Variants in VPS13B observed in about 807,000 individuals in gnomAD.
The protein encoded by VPS13B is vacuolar protein sorting 13 homolog B.
In VPS13B, 285 loss-of-function variants were observed where a neutral mutation model predicts 426.4. That is an observed-to-expected ratio of 0.67 (90% CI 0.61 to 0.74). The LOEUF is 0.74. VPS13B is among the 30% of genes least tolerant of loss of function. The probability of loss-of-function intolerance (pLI) is 0.00; values close to 1 mark genes in which losing one functional copy is unlikely to be tolerated. For missense variants in VPS13B, 4,537 were observed against 4,782.6 expected (o/e 0.95, Z 1.51); for synonymous variants, 1,676 against 1,676.4 (o/e 1.00, Z 0.01).
At chr8:99,359,374 A>G (rs1412997745) in intron 19 of VPS13B, among the ~76,000 whole-genome samples, 3 of 152,168 alleles carry the variant, frequency 2.0e-5, no homozygotes, top group African/African-American at 7.2e-5. Context: ...TTGGCTTGAA[A>G]GCAAAATGTG....
At chr8:99,391,297 T>G (rs1216135983) in intron 20 of VPS13B, among the ~76,000 whole-genome samples, 1 of 152,056 alleles carries the variant, frequency 6.6e-6, no homozygotes, top group East Asian at 1.9e-4. Flanking sequence ...ACTCAGAATT[T>G]TAATTTAAAA....
intron 3 of VPS13B, among the ~76,000 whole-genome samples, chr8:99,063,600 C>G (rs1231242851): frequency 2.6e-5 from 4 of 152,226 alleles, no homozygotes. Flanking sequence ...AACCACAGCT[C>G]AGCAAGGCCT....
At chr8:99,131,161 G>C (rs1809776367) in intron 8 of VPS13B, among the ~76,000 whole-genome samples, 1 of 152,086 alleles carries the variant, frequency 6.6e-6, no homozygotes, top group Non-Finnish European at 1.5e-5. Flanking sequence ...TTACAGACAG[G>C]TTGCAAAGAT....
At chr8:99,776,523 G>A (rs1251596338) in intron 40 of VPS13B, among the ~76,000 whole-genome samples, 2 of 152,152 alleles carry the variant, frequency 1.3e-5, no homozygotes, top group Non-Finnish European at 2.9e-5. Context: ...TCGAACTCCT[G>A]AGCTGAAGTG....
rs561431614 is a variant in VPS13B at position 99,080,009 on chromosome 8, A to T, written c.292-16303A>T. On this transcript the variant is annotated intron_variant, in intron 3 of 61. Transcript: ENST00000357162. ...TTTCTTAATAATGTATCATATTATA[A>T]TTAATAATGTGTAAATATATACTTG... Among the ~76,000 whole-genome samples, 10 of 150,814 alleles carry T rather than the reference A, an allele frequency of 6.6e-5. No individual in the cohort carries two copies. The South Asian group carries it at 1.5e-3, about 22-fold the overall frequency.
intron 17 of VPS13B, among the ~76,000 whole-genome samples, chr8:99,254,942 A>G (rs1194146532): frequency 6.6e-6 from 1 of 151,890 alleles, no homozygotes; most frequent in Non-Finnish European, 1.5e-5. Flanking sequence ...TTTGAAGTAC[A>G]TTTTCTGTTT....
At chr8:99,501,966 T>TGTCTGTCTTTCC in intron 26 of VPS13B, 108 bp downstream of exon 26, 1 of 1,262,722 alleles carries the variant, frequency 7.9e-7, no homozygotes, top group Non-Finnish European at 1.1e-6. Context: ...TCTGTCTGTC[T>TGTCTGTCTTTCC]GTCTGTCTTT....
intron 19 of VPS13B, among the ~76,000 whole-genome samples, chr8:99,357,487 T>C (rs773258975): frequency 3.9e-5 from 6 of 152,220 alleles, no homozygotes; most frequent in Non-Finnish European, 8.8e-5. Context: ...TCTCTTTTCA[T>C]AGCATCTGTC....
At position 99,806,765 on chromosome 8, in the gene VPS13B, C is replaced by G. The variant is rs1176800830; in HGVS notation, c.7942-2610C>G. Among the ~76,000 whole-genome samples, 4 of 152,160 alleles carry G rather than the reference C, an allele frequency of 2.6e-5. No individual in the cohort carries two copies. The East Asian group carries it at 7.7e-4, about 29-fold the overall frequency. On this transcript the variant is annotated intron_variant, in intron 43 of 61. Transcript: ENST00000357162. The stretch of plus-strand genomic sequence containing the variant: ...GCAAGTATTTGTTACTAAATGGAGA[C>G]TTACAGTATCTGTAGCAGTGAAATT...
chr8:99,111,221 G>A lies in VPS13B; in HGVS notation c.704G>A (p.Arg235Lys). Residue 235 changes from arginine to lysine, a missense_variant, in exon 6 of 62, where the codon AGA becomes AAA. Transcript: ENST00000357162. ...QDPLLYKCSFRTRLHFTYENL... is the reference protein window; with the variant it reads ...QDPLLYKCSFKTRLHFTYENL... Reference sequence around the variant, plus strand: ...CCTTTATTATACAAATGTTCCTTCAGAACTCGTCTTCATTTTACATATGAA... The same window carrying A: ...CCTTTATTATACAAATGTTCCTTCAAAACTCGTCTTCATTTTACATATGAA... The A allele has an allele frequency of 6.2e-7, 1 of 1,602,482 alleles. No individual in the cohort carries two copies. Among genetic ancestry groups the A allele is most frequent in the Non-Finnish European group, 8.5e-7 (1 of 1,175,356 alleles).
chr8:99,448,124 T>TATTG (rs1818018297), intron 23 of VPS13B, among the ~76,000 whole-genome samples: 4 of 78,234 alleles, frequency 5.1e-5, no homozygotes, highest in African/African-American at 2.1e-4. Flanking sequence ...GTTTTATTTT[T>TATTG]ATTTATTTAT....
Position 99,821,634 on chromosome 8 carries a change from C to T in VPS13B, c.9183+152C>T. On this transcript the variant is annotated intron_variant, in intron 50 of 61. Transcript: ENST00000357162. The stretch of plus-strand genomic sequence containing the variant: ...ACATTTGATTTCTTAACTTCTTAGA[C>T]CTCTGTTTTACAGTGCTTTTTTTTC... The T allele has an allele frequency of 8.4e-6, 8 of 947,636 alleles. No homozygotes were observed. In the South Asian group the frequency reaches 1.2e-4, roughly 14 times the overall value. The allele number at this position is 947,636 out of a possible 1,614,324, so 58.7% of individuals were successfully genotyped here.
chr8:99,800,636 A>G (rs1813074794), intron 43 of VPS13B, among the ~76,000 whole-genome samples: 1 of 152,136 alleles, frequency 6.6e-6, no homozygotes, highest in African/African-American at 2.4e-5. Flanking sequence ...TTAGCCCAGA[A>G]TACCCATGAA....
rs1332985689 is a variant in VPS13B at position 99,835,618 on chromosome 8, C to T, written c.9822C>T (p.Ser3274=). 2 of 1,614,052 alleles carry T rather than the reference C, an allele frequency of 1.2e-6. No individual in the cohort carries two copies. The highest frequency in any genetic ancestry group is 1.7e-6 in the Non-Finnish European group (2 of 1,180,018). Residue 3274 remains serine, a synonymous_variant, in exon 54 of 62, where the codon TCC becomes TCT. Transcript: ENST00000357162. ...SIHHELYHQI[S]SYPDCKTKDL... is the part of the protein sequence containing the mutation. ...ATCATGAGCTGTATCATCAGATTTC[C>T]AGTTATCCGGACTGCAAGACCAAAG...
intron 2 of VPS13B, among the ~76,000 whole-genome samples, chr8:99,030,722 C>CTG (rs1324184617): frequency 1.3e-5 from 2 of 152,114 alleles, no homozygotes; most frequent in African/African-American, 2.4e-5. Context: ...GTTTTTTTAA[C>CTG]TGTGTGGCAT....
intron 39 of VPS13B, among the ~76,000 whole-genome samples, chr8:99,728,555 C>G (rs550618480): frequency 6.6e-6 from 1 of 152,294 alleles, no homozygotes; most frequent in East Asian, 1.9e-4. Flanking sequence ...ATTAGACAGA[C>G]AAAGCCCTGT....
Position 99,836,449 on chromosome 8 carries a change from CTCT to C in VPS13B, c.9942+719_9942+721del, listed in dbSNP as rs972103934. Among the ~76,000 whole-genome samples the C allele has an allele frequency of 6.1e-5, 8 of 130,216 alleles. No individual in the cohort carries two copies. The Admixed American group carries it at 7.1e-4, about 12-fold the overall frequency. The allele number at this position is 130,216 out of a possible 152,430, so 85.4% of individuals were successfully genotyped here. A position where few individuals can be genotyped will look rare whatever the true frequency, so the allele number is the denominator to read the frequency against. Reference sequence around the variant, plus strand: ...TCCCCTCCTCCATCCCCTGGTAGCTCTCTTCTTCTTTGTCTCTGTCTCTATGAA... The same window carrying C: ...TCCCCTCCTCCATCCCCTGGTAGCTCTCTTCTTTGTCTCTGTCTCTATGAA... On this transcript the variant is annotated intron_variant, in intron 54 of 61. Coordinates refer to ENST00000357162, the MANE Select transcript of VPS13B (RefSeq NM_152564.5).
At chr8:99,763,094 C>T (rs1246223323) in intron 39 of VPS13B, among the ~76,000 whole-genome samples, 2 of 136,204 alleles carry the variant, frequency 1.5e-5, no homozygotes, top group South Asian at 2.3e-4. Context: ...TGTGATCACA[C>T]CACTTCACCC....
chr8:99,704,685 G>C (rs1299371513), intron 36 of VPS13B, among the ~76,000 whole-genome samples: 1 of 152,118 alleles, frequency 6.6e-6, no homozygotes, highest in Non-Finnish European at 1.5e-5. Flanking sequence ...CTTGTAGACA[G>C]CTATACAAAT....
Sources: allele counts gnomAD v4.1 joint callset (sites outside exome capture counted in the v4.1 genomes callset), GRCh38; gene constraint gnomAD v4.1.1; transcripts MANE v1.5; gene names NCBI Gene and HGNC (gene_info 2026-07-23, HGNC 2026-07-21).